Variants in OTC observed in about 807,000 individuals in gnomAD.
OTC encodes ornithine transcarbamylase, mitochondrial.
OTC carries 3 observed loss-of-function variants against 30.3 expected under a neutral mutation model. That is an observed-to-expected ratio of 0.10 (90% CI 0.05 to 0.26). The LOEUF is 0.26. Ranked by LOEUF, OTC falls within the 10% of genes least tolerant of loss-of-function variation. The probability of loss-of-function intolerance (pLI) is 1.00; values close to 1 mark genes in which losing one functional copy is unlikely to be tolerated. For synonymous variants in OTC, 111 were observed against 99.7 expected (o/e 1.11, Z -0.67); for missense variants, 194 against 260.3 (o/e 0.75, Z 1.75).
chrX:38,396,535 A>T (rs2068458037), intron 4 of OTC, among the ~76,000 whole-genome samples: 1 of 111,324 alleles, frequency 9.0e-6, no homozygotes, highest in Non-Finnish European at 1.9e-5. Flanking sequence ...GCACTTTGAG[A>T]GTCTGAGACG....
At chrX:38,409,265 C>T (rs752127641) in intron 8 of OTC, among the ~76,000 whole-genome samples, 1 of 111,755 alleles carries the variant, frequency 8.9e-6, no homozygotes, top group East Asian at 2.8e-4. Context: ...AGGCTTTTCC[C>T]TCTCACAAGA....
intron 6 of OTC, among the ~76,000 whole-genome samples, chrX:38,405,812 G>A (rs1319666808): frequency 3.6e-5 from 4 of 111,735 alleles, no homozygotes; most frequent in African/African-American, 1.3e-4. Flanking sequence ...TATGGGAAGG[G>A]TGAGTACACT....
chrX:38,348,473 C>G, upstream of OTC, among the ~76,000 whole-genome samples: 2 of 110,775 alleles, frequency 1.8e-5, 1 homozygote, highest in Middle Eastern at 9.3e-3. Flanking sequence ...ATCCTCCTTT[C>G]TGGGTGGGAG....
chrX:38,411,382 A>G (rs1028123382), intron 8 of OTC, among the ~76,000 whole-genome samples: 1 of 107,660 alleles, frequency 9.3e-6, no homozygotes, highest in African/African-American at 3.4e-5. Context: ...AAAAAAAAAG[A>G]CTTGCCAGAC....
At chrX:38,375,342 A>G (rs2068341548) in intron 3 of OTC, among the ~76,000 whole-genome samples, 1 of 112,195 alleles carries the variant, frequency 8.9e-6, no homozygotes, top group Non-Finnish European at 1.9e-5. Context: ...TCTTGAACAA[A>G]GGAGGGACAT....
chrX:38,352,843 A>AAG, intron 1 of OTC, 70 bp downstream of exon 1: 1 of 775,178 alleles, frequency 1.3e-6, no homozygotes, highest in Non-Finnish European at 2.0e-6. Flanking sequence ...ATTCTGCAGT[A>AAG]AGGCCTCTTT....
At chrX:38,394,191 T>C (rs769897021) in intron 4 of OTC, among the ~76,000 whole-genome samples, 17 of 112,851 alleles carry the variant, frequency 1.5e-4, no homozygotes, top group Non-Finnish European at 2.1e-4. Context: ...TTCACATTTT[T>C]ACTGTGCATA....
At chrX:38,371,061 C>A (rs1211849887) in intron 3 of OTC, among the ~76,000 whole-genome samples, 1 of 111,535 alleles carries the variant, frequency 9.0e-6, no homozygotes, top group Non-Finnish European at 1.9e-5. Flanking sequence ...TCCAGCATGC[C>A]CCCCCATCCT....
chrX:38,361,474 T>A (rs2068271404), intron 1 of OTC, among the ~76,000 whole-genome samples: 1 of 111,639 alleles, frequency 9.0e-6, no homozygotes, highest in South Asian at 3.7e-4. Flanking sequence ...CTGCAGAAAG[T>A]GGTTGTGACA....
chrX:38,349,262 A>G (rs1370247520), upstream of OTC, among the ~76,000 whole-genome samples: 1 of 112,139 alleles, frequency 8.9e-6, no homozygotes, highest in African/African-American at 3.2e-5. Flanking sequence ...TACTGTGGGC[A>G]ATTGAGGTTC....
chrX:38,411,110 C>T (rs1023932099), intron 8 of OTC, among the ~76,000 whole-genome samples: 1 of 111,234 alleles, frequency 9.0e-6, no homozygotes, highest in Non-Finnish European at 1.9e-5. Context: ...TTACCTTTAT[C>T]TAAATTGTTT....
At chrX:38,419,478 T>C (rs2068584874) in intron 9 of OTC, among the ~76,000 whole-genome samples, 2 of 112,082 alleles carry the variant, frequency 1.8e-5, no homozygotes, top group South Asian at 7.4e-4. Context: ...GGGATATCAT[T>C]CCATTTATTT....
intron 9 of OTC, among the ~76,000 whole-genome samples, chrX:38,420,292 G>A (rs1011851204): frequency 3.6e-5 from 4 of 110,889 alleles, no homozygotes; most frequent in Non-Finnish European, 5.7e-5. Flanking sequence ...TATTAAATGA[G>A]ATAATGCATG....
upstream of OTC, chrX:38,352,512 G>T (rs1174419937): frequency 3.8e-5 from 16 of 425,372 alleles, no homozygotes; most frequent in Non-Finnish European, 6.2e-5. Flanking sequence ...AAGTTCAAAT[G>T]CTCCTACACC....
At chrX:38,420,930 T>A in intron 9 of OTC, 93 bp from the exon 10 acceptor site, 1 of 621,104 alleles carries the variant, frequency 1.6e-6, no homozygotes, top group South Asian at 2.3e-5. Context: ...ACTGTAACCC[T>A]GCAAAGCTGA....
At chrX:38,420,895 C>G (rs2068591702) in intron 9 of OTC, 128 bp from the exon 10 acceptor site, 1 of 499,348 alleles carries the variant, frequency 2.0e-6, no homozygotes, top group Non-Finnish European at 3.6e-6. Context: ...GTTCTCTTAC[C>G]ATTTTCTTGA....
the OTC span, among the ~76,000 whole-genome samples, chrX:38,327,951 T>C: frequency 8.9e-6 from 1 of 112,854 alleles, no homozygotes; most frequent in East Asian, 2.8e-4. Flanking sequence ...TACGTATTTA[T>C]TGGACAAATG....
At chrX:38,380,937 C>A (rs1250873033) in intron 3 of OTC, among the ~76,000 whole-genome samples, 2 of 111,630 alleles carry the variant, frequency 1.8e-5, no homozygotes, top group Non-Finnish European at 3.8e-5. Context: ...CCATGTTGGC[C>A]AGGCTGGTCT....
chrX:38,384,167 G>A (rs2068390446), intron 4 of OTC, among the ~76,000 whole-genome samples: 1 of 111,649 alleles, frequency 9.0e-6, no homozygotes, highest in African/African-American at 3.3e-5. Context: ...TAAGCTCGGT[G>A]GTAAAAATTA....
Sources: allele counts gnomAD v4.1 joint callset (sites outside exome capture counted in the v4.1 genomes callset), GRCh38; gene constraint gnomAD v4.1.1; transcripts MANE v1.5; gene names NCBI Gene and HGNC (gene_info 2026-07-23, HGNC 2026-07-21).